Variants in NRG3 observed in about 807,000 individuals in gnomAD.
The protein encoded by NRG3 is neuregulin 3, also known as pro-neuregulin-3, membrane-bound isoform.
In NRG3, 31 loss-of-function variants were observed where a neutral mutation model predicts 66.9. That is an observed-to-expected ratio of 0.46 (90% confidence interval 0.35 to 0.63). The LOEUF (loss-of-function observed/expected upper bound fraction) is 0.63, where lower values mean the gene tolerates loss of function less well. NRG3 is among the 20% of genes least tolerant of loss of function. NRG3 has a pLI of 0.00. For synonymous variants in NRG3, 393 were observed against 359.4 expected, an observed-to-expected ratio of 1.09 and a Z score of -1.06; for missense variants, 910 against 878.9, an observed-to-expected ratio of 1.04 and a Z score of -0.45.
chr10:82,609,720 A>G (rs956465987), intron 2 of NRG3, among the ~76,000 whole-genome samples: 20 of 152,296 alleles, frequency 1.3e-4, no homozygotes, highest in African/African-American at 4.8e-4. Flanking sequence ...AGCCAATGTA[A>G]TGTAACTACA....
intron 3 of NRG3, among the ~76,000 whole-genome samples, chr10:82,785,015 C>A (rs1412387214): frequency 6.6e-6 from 1 of 152,064 alleles, no homozygotes. Context: ...CCATGGAATA[C>A]TATGCAGCCA....
At chr10:82,062,467 A>C (rs1186326719) in intron 1 of NRG3, among the ~76,000 whole-genome samples, 3 of 152,068 alleles carry the variant, frequency 2.0e-5, no homozygotes, top group Admixed American at 1.3e-4. Context: ...TTAGCTGTGC[A>C]TGGTGGTGTG....
intron 2 of NRG3, among the ~76,000 whole-genome samples, chr10:82,554,049 C>A (rs2044493950): frequency 6.6e-6 from 1 of 152,144 alleles, no homozygotes; most frequent in Non-Finnish European, 1.5e-5. Flanking sequence ...ACACGGCATA[C>A]TGTAAGACTG....
At chr10:82,185,198 G>A (rs1279277040) in intron 1 of NRG3, among the ~76,000 whole-genome samples, 2 of 152,006 alleles carry the variant, frequency 1.3e-5, no homozygotes, top group East Asian at 3.9e-4. Flanking sequence ...AGTGAGTAAT[G>A]AAAGGAAACA....
intron 4 of NRG3, among the ~76,000 whole-genome samples, chr10:82,947,618 T>A (rs1257477889): frequency 6.6e-6 from 1 of 152,162 alleles, no homozygotes; most frequent in African/African-American, 2.4e-5. Flanking sequence ...TAATCTCACC[T>A]ATTCTAGCGG....
intron 2 of NRG3, among the ~76,000 whole-genome samples, chr10:82,430,517 A>G (rs559993738): frequency 6.6e-6 from 1 of 152,244 alleles, no homozygotes; most frequent in South Asian, 2.1e-4. Context: ...TTGGCCACCC[A>G]AAGTTCTGGG....
intron 1 of NRG3, among the ~76,000 whole-genome samples, chr10:82,283,373 A>G (rs117329828): frequency 0.013 from 1,927 of 152,306 alleles, 20 homozygotes; most frequent in Non-Finnish European, 0.018. Context: ...ACTAGTGATC[A>G]TATTCACATA....
intron 3 of NRG3, among the ~76,000 whole-genome samples, chr10:82,829,934 G>A (rs1166410395): frequency 1.3e-5 from 2 of 152,102 alleles, no homozygotes; most frequent in Non-Finnish European, 2.9e-5. Flanking sequence ...CTTGCCCCTG[G>A]GTGGACAAGT....
intron 1 of NRG3, among the ~76,000 whole-genome samples, chr10:82,334,132 G>T (rs537924945): frequency 1.7e-5 from 2 of 114,516 alleles, no homozygotes; most frequent in Admixed American, 9.7e-5. Flanking sequence ...ATGGCATGGC[G>T]TCTCAAAAAA....
intron 4 of NRG3, among the ~76,000 whole-genome samples, chr10:82,910,472 A>G (rs949565132): frequency 3.9e-5 from 6 of 152,240 alleles, no homozygotes; most frequent in Admixed American, 6.5e-5. Context: ...TGAGTCCTCA[A>G]TGTTTTCAAA....
At chr10:82,307,986 T>G (rs1453692347) in intron 1 of NRG3, among the ~76,000 whole-genome samples, 2 of 152,206 alleles carry the variant, frequency 1.3e-5, no homozygotes, top group African/African-American at 4.8e-5. Context: ...ATTTCTCACT[T>G]GTGAGTGATC....
Position 82,834,543 on chromosome 10 carries a change from G to T in NRG3, c.1028-30868G>T, listed in dbSNP as rs7079230. On this transcript the variant is annotated intron_variant, in intron 3 of 8. Coordinates refer to ENST00000372141, the MANE Select transcript of NRG3 (RefSeq NM_001010848.4). ...TGAGGAAAGCCATAGCATAAAACAG[G>T]GTCACTGAACTTAATAAAAAGGAAA... Among the ~76,000 whole-genome samples the T allele has an allele frequency of 9.4e-3, 1,431 of 152,172 alleles. 15 individuals carry two copies. Among genetic ancestry groups the T allele is most frequent in the African/African-American group, 0.033 (1,383 of 41,502 alleles).
chr10:81,937,326 A>G (rs1298214907), intron 1 of NRG3, among the ~76,000 whole-genome samples: 1 of 151,950 alleles, frequency 6.6e-6, no homozygotes, highest in Non-Finnish European at 1.5e-5. Context: ...TGGGTAATTT[A>G]TTTATTTTTT....
chr10:82,486,993 G>A (rs1321384307), intron 2 of NRG3, among the ~76,000 whole-genome samples: 2 of 151,468 alleles, frequency 1.3e-5, no homozygotes, highest in South Asian at 2.1e-4. Context: ...AAACCATTGT[G>A]CTTATAGTTA....
Position 82,132,494 on chromosome 10 carries a change from T to TATATATGATATATATATGATATATATATC in NRG3, c.824-226239_824-226238insGATATATATATGATATATATATCATATAT, listed in dbSNP as rs1554831211. Among the ~76,000 whole-genome samples the TATATATGATATATATATGATATATATATC allele has an allele frequency of 2.3e-3, 101 of 44,324 alleles. 1 individual carries two copies. Among genetic ancestry groups the TATATATGATATATATATGATATATATATC allele is most frequent in the East Asian group, 8.0e-3 (14 of 1,760 alleles). The allele number at this position is 44,324 out of a possible 152,430, so 29.1% of individuals were successfully genotyped here. ...ATATATATATGATATATATATATGA[T>TATATATGATATATATATGATATATATATC]ATATATATATCATATATATATGATA... On this transcript the variant is annotated intron_variant, in intron 1 of 8. Coordinates refer to ENST00000372141, the MANE Select transcript of NRG3 (RefSeq NM_001010848.4).
At chr10:82,614,958 A>G (rs1364177818) in intron 2 of NRG3, among the ~76,000 whole-genome samples, 1 of 151,866 alleles carries the variant, frequency 6.6e-6, no homozygotes, top group African/African-American at 2.4e-5. Flanking sequence ...TTTCAAGACC[A>G]CTGCCTACAG....
intron 2 of NRG3, among the ~76,000 whole-genome samples, chr10:82,551,240 T>C (rs1212076222): frequency 6.6e-6 from 1 of 152,184 alleles, no homozygotes; most frequent in Non-Finnish European, 1.5e-5. Flanking sequence ...GAGTTTACAA[T>C]ACCACTTTTG....
chr10:82,367,277 G>A (rs935391918), intron 2 of NRG3, among the ~76,000 whole-genome samples: 1 of 152,276 alleles, frequency 6.6e-6, no homozygotes, highest in Admixed American at 6.5e-5. Flanking sequence ...GTTGTAAAAT[G>A]CCATATAAAT....
intron 1 of NRG3, among the ~76,000 whole-genome samples, chr10:82,334,588 A>G (rs993265594): frequency 1.3e-5 from 2 of 152,226 alleles, no homozygotes; most frequent in African/African-American, 2.4e-5. Flanking sequence ...TAGCACATTC[A>G]TTCATCTTAA....
Sources: gnomAD v4.1 joint callset for allele counts (sites outside exome capture counted in the v4.1 genomes callset) on GRCh38, gnomAD v4.1.1 for gene constraint, MANE v1.5 for transcripts, NCBI Gene and HGNC (gene_info 2026-07-23, HGNC 2026-07-21) for gene names.